EPG5: variants seen among roughly 807,000 people sequenced by gnomAD.
EPG5 encodes the protein ectopic P-granules 5 autophagy tethering factor, also known as ectopic P granules protein 5 homolog.
EPG5 carries 159 observed loss-of-function variants against 302.7 expected under a neutral mutation model. The observed-to-expected ratio is 0.53, with a 90% CI of 0.46 to 0.60. The LOEUF is 0.60. Ranked by LOEUF, EPG5 falls within the 20% of genes least tolerant of loss-of-function variation. EPG5 has a pLI of 0.00. For synonymous variants in EPG5, 1,158 were observed against 1,136.8 expected, an observed-to-expected ratio of 1.02 and a Z score of -0.37; for missense variants, 2,896 against 3,092.4, an observed-to-expected ratio of 0.94 and a Z score of 1.51.
chr18:45,862,688 C>T (rs116781278), intron 39 of EPG5, among the ~76,000 whole-genome samples: 1,896 of 152,316 alleles, frequency 0.012, 29 homozygotes, highest in African/African-American at 0.037. Context: ...TGATTGTAAG[C>T]TTCCTTAGGC....
At chr18:45,865,908 G>A (rs538178099) in intron 38 of EPG5, 149 bp from the exon 39 acceptor site, 554 of 906,592 alleles carry the variant, frequency 6.1e-4, no homozygotes, top group Non-Finnish European at 6.4e-4. Context: ...TTAGTCCCAC[G>A]TGGCCCAAGG....
intron 16 of EPG5, among the ~76,000 whole-genome samples, chr18:45,920,551 G>A (rs982103728): frequency 3.7e-4 from 57 of 152,362 alleles, no homozygotes; most frequent in African/African-American, 1.2e-3. Context: ...CTCAGGCTGC[G>A]TCCACACATG....
At chr18:45,965,928 C>T (rs370215377) in intron 1 of EPG5, among the ~76,000 whole-genome samples, 44 of 151,946 alleles carry the variant, frequency 2.9e-4, no homozygotes, top group African/African-American at 1.0e-3. Flanking sequence ...TGGCGCATGC[C>T]TGTAATCCCA....
intron 43 of EPG5, among the ~76,000 whole-genome samples, chr18:45,853,709 G>A (rs532420757): frequency 2.0e-4 from 31 of 152,310 alleles, no homozygotes; most frequent in African/African-American, 4.6e-4. Context: ...TTAACTACCA[G>A]GAGGGCTGTA....
chr18:45,948,066 T>C (rs2050825266), intron 6 of EPG5, among the ~76,000 whole-genome samples: 1 of 152,158 alleles, frequency 6.6e-6, no homozygotes, highest in Admixed American at 6.5e-5. Flanking sequence ...TGAGCCACCA[T>C]GCCCAGTCCA....
the EPG5 span, among the ~76,000 whole-genome samples, chr18:45,831,376 T>C: frequency 6.6e-6 from 1 of 152,250 alleles, no homozygotes; most frequent in Admixed American, 6.5e-5. Flanking sequence ...CATTTCTTGC[T>C]GCTTTCCAAG....
the EPG5 span, among the ~76,000 whole-genome samples, chr18:45,828,215 G>A: frequency 1.3e-5 from 2 of 152,180 alleles, no homozygotes; most frequent in Non-Finnish European, 2.9e-5. Flanking sequence ...CCCGCCAGTC[G>A]TGGTCCCTTC....
At chr18:45,906,343 C>G (rs1274734173) in intron 24 of EPG5, among the ~76,000 whole-genome samples, 1 of 152,210 alleles carries the variant, frequency 6.6e-6, no homozygotes, top group Non-Finnish European at 1.5e-5. Context: ...GAAAAGTATA[C>G]ATGGCCCTTA....
At position 45,887,847 on chromosome 18, in the gene EPG5, G is replaced by T; in HGVS notation, c.5013C>A (p.Ser1671Arg). 6.2e-7 allele frequency: 1 copy of T among 1,601,644 alleles called. No individual in the cohort carries two copies. The highest frequency in any genetic ancestry group is 8.5e-7 in the Non-Finnish European group (1 of 1,170,580). ...CGTAATCCACAATAGTAAAGAAAAG[G>T]CTAATGCCAACTTTCTGAATCCCAG... ...PTPGIQKVGI[S>R]LFFTIVDYVS... The change falls in exon 29 of 44, where the codon AGC (serine) becomes AGA (arginine). Residue 1671 changes from serine to arginine, a missense_variant. By Grantham distance (110) the Ser-to-Arg change is moderately radical. This residue lies in a region of EPG5 where 790 missense variants were observed against 798.0 expected (regional missense o/e 0.99). Coordinates refer to ENST00000282041, the MANE Select transcript of EPG5 (RefSeq NM_020964.3).
chr18:45,941,164 T>C (rs539646569), intron 9 of EPG5, among the ~76,000 whole-genome samples: 1 of 152,022 alleles, frequency 6.6e-6, no homozygotes, highest in South Asian at 2.1e-4. Context: ...GAAGTGAGAA[T>C]GAAACAACCA....
At position 45,952,653 on chromosome 18, in the gene EPG5, GA is replaced by G; in HGVS notation, c.1009-11del. On this transcript the variant is annotated splice_polypyrimidine_tract_variant and intron_variant, in intron 2 of 43. Transcript: ENST00000282041. Reference sequence around the variant, plus strand: ...GATCTGCACAGATACCCTACCAGAGGACAAAAAGGTACAATATGAAACCAGT... The same window carrying G: ...GATCTGCACAGATACCCTACCAGAGGCAAAAAGGTACAATATGAAACCAGT... 6.2e-7 allele frequency: 1 copy of G among 1,611,162 alleles called. No individual in the cohort carries two copies. Among genetic ancestry groups the G allele is most frequent in the Non-Finnish European group, 8.5e-7 (1 of 1,178,716 alleles).
intron 39 of EPG5, among the ~76,000 whole-genome samples, chr18:45,862,826 A>G (rs1214772918): frequency 6.6e-6 from 1 of 152,246 alleles, no homozygotes; most frequent in African/African-American, 2.4e-5. Flanking sequence ...GTGTGAGAAC[A>G]GGCTAAAATA....
At chr18:45,803,117 G>T in the EPG5 span, among the ~76,000 whole-genome samples, 1 of 152,218 alleles carries the variant, frequency 6.6e-6, no homozygotes, top group Non-Finnish European at 1.5e-5. Context: ...TATCTCCAAA[G>T]ACATTATCAG....
chr18:45,917,906 C>T lies in EPG5; in HGVS notation c.3099-87G>A, dbSNP rs1015867432. 1.2e-5 allele frequency: 17 copies of T among 1,423,958 alleles called. No homozygotes were observed. In the African/African-American group the frequency reaches 2.1e-4, roughly 18 times the overall value. The allele number at this position is 1,423,958 out of a possible 1,614,324, so 88.2% of individuals were successfully genotyped here. Reference sequence around the variant, plus strand: ...CCAATGAGTTATGAGCCTTCAATACCTTGGGTTATCTCAGGTCTCCAACAC... The same window carrying T: ...CCAATGAGTTATGAGCCTTCAATACTTTGGGTTATCTCAGGTCTCCAACAC... On this transcript the variant is annotated intron_variant, in intron 16 of 43. Coordinates refer to ENST00000282041, the MANE Select transcript of EPG5 (RefSeq NM_020964.3).
At chr18:45,838,772 G>T in the EPG5 span, 1 of 1,572,890 alleles carries the variant, frequency 6.4e-7, no homozygotes, top group East Asian at 2.3e-5. Context: ...CACGCCTTCC[G>T]CGCGCTCTGC....
Position 45,954,767 on chromosome 18 carries a change from A to G in EPG5, c.635T>C (p.Val212Ala), listed in dbSNP as rs756805638. The change falls in exon 2 of 44, where the codon GTG (valine) becomes GCG (alanine). Residue 212 changes from valine (V) to alanine (A), a missense_variant. By Grantham distance (64) the Val-to-Ala change is moderately conservative (BLOSUM62 0). This residue lies in a region of EPG5 where 1,390 missense variants were observed against 1,430.0 expected (regional missense o/e 0.97). Transcript: ENST00000282041. ...TGGCAACTGGGGATACAGTTTCTTCACTCTAGGTGTCTGAAAACCATGTTT... is the reference window on the plus strand; with the variant it reads ...TGGCAACTGGGGATACAGTTTCTTCGCTCTAGGTGTCTGAAAACCATGTTT... ...PAKHGFQTPR[V>A]KKLYPQLPAE... 1.1e-5 allele frequency: 17 copies of G among 1,613,034 alleles called. No individual in the cohort carries two copies. Among genetic ancestry groups the G allele is most frequent in the Non-Finnish European group, 1.4e-5 (17 of 1,179,736 alleles).
At chr18:45,819,307 C>T in the EPG5 span, among the ~76,000 whole-genome samples, 14 of 152,230 alleles carry the variant, frequency 9.2e-5, no homozygotes, top group Non-Finnish European at 7.3e-5. Context: ...AAATAATCCA[C>T]TTCTTTCCAA....
chr18:45,802,259 G>T, the EPG5 span, among the ~76,000 whole-genome samples: 1 of 152,140 alleles, frequency 6.6e-6, no homozygotes, highest in Non-Finnish European at 1.5e-5. Context: ...GGTGGCTCAC[G>T]TCTGTAATCC....
chr18:45,826,213 T>C, the EPG5 span, among the ~76,000 whole-genome samples: 9 of 151,024 alleles, frequency 6.0e-5, no homozygotes, highest in African/African-American at 1.5e-4. Flanking sequence ...TGCTGATGCA[T>C]GGGAGGGGGT....
Sources: allele counts gnomAD v4.1 joint callset (sites outside exome capture counted in the v4.1 genomes callset), GRCh38; gene constraint gnomAD v4.1.1; regional missense constraint gnomAD v4.1.1; transcripts MANE v1.5; gene names NCBI Gene and HGNC (gene_info 2026-07-23, HGNC 2026-07-21).